SLC9A7: variants seen among roughly 807,000 people sequenced by gnomAD.
SLC9A7 encodes the protein sodium/hydrogen exchanger 7.
In SLC9A7, 19 loss-of-function variants were observed where a neutral mutation model predicts 52.6. That is an observed-to-expected ratio of 0.36 (90% CI 0.25 to 0.53). SLC9A7 has a LOEUF of 0.53. SLC9A7 is among the 20% of genes least tolerant of loss of function. The pLI, the probability that SLC9A7 is intolerant of heterozygous loss-of-function variation, is 0.91. For missense variants in SLC9A7, 455 were observed against 597.9 expected, an observed-to-expected ratio of 0.76 and a Z score of 2.49; for synonymous variants, 226 against 252.1, an observed-to-expected ratio of 0.90 and a Z score of 0.98.
chrX:46,698,307 G>A (rs1404904843), intron 1 of SLC9A7, among the ~76,000 whole-genome samples: 2 of 111,040 alleles, frequency 1.8e-5, no homozygotes, highest in African/African-American at 3.3e-5. Flanking sequence ...GGAACCTACC[G>A]ACACGTGATG....
intron 3 of SLC9A7, among the ~76,000 whole-genome samples, chrX:46,676,291 G>A (rs2146855298): frequency 9.0e-6 from 1 of 111,580 alleles, no homozygotes; most frequent in South Asian, 3.8e-4. Context: ...AACTGATCTG[G>A]AGGACACTCA....
chrX:46,672,779 T>A (rs1312086769), intron 3 of SLC9A7, 152 bp from the exon 4 acceptor site: 1 of 438,381 alleles, frequency 2.3e-6, no homozygotes, highest in Non-Finnish European at 3.9e-6. Flanking sequence ...TATGGTGTTA[T>A]TTAACCTTAG....
chrX:46,702,834 A>T (rs1193342663), intron 1 of SLC9A7, among the ~76,000 whole-genome samples: 1 of 112,412 alleles, frequency 8.9e-6, no homozygotes, highest in Non-Finnish European at 1.9e-5. Flanking sequence ...GGTAGTTCTA[A>T]GTTCCTTGAG....
At chrX:46,620,772 T>C (rs897686807) in intron 15 of SLC9A7, among the ~76,000 whole-genome samples, 1 of 112,358 alleles carries the variant, frequency 8.9e-6, no homozygotes, top group African/African-American at 3.2e-5. Context: ...ACTCTAAGGA[T>C]ATGCAAACAT....
At chrX:46,717,143 T>C (rs188518952) in intron 1 of SLC9A7, among the ~76,000 whole-genome samples, 15 of 112,447 alleles carry the variant, frequency 1.3e-4, no homozygotes, top group African/African-American at 4.8e-4. Flanking sequence ...TACATATTCC[T>C]GGAAAATACT....
In SLC9A7 at chrX:46,601,441, C is replaced by CTGTT. The variant is rs760889239; in HGVS notation, c.*5507_*5510dup. ...CAACAGACCTCTATTTTGGAAGGAA[C>CTGTT]TGTTAGTTCTTTGTCCTAGACCGAA... On this transcript the variant is annotated 3_prime_UTR_variant, in exon 17 of 17. Transcript: ENST00000616978. 8.9e-6 allele frequency: 1 copy of CTGTT among 112,755 alleles called. No homozygotes were observed. The highest frequency in any genetic ancestry group is 3.2e-5 in the African/African-American group (1 of 31,079). The allele number at this position is 112,755 out of a possible 1,213,427, so 9.3% of individuals were successfully genotyped here.
chrX:46,723,962 G>A (rs935191812), intron 1 of SLC9A7, among the ~76,000 whole-genome samples: 12 of 111,373 alleles, frequency 1.1e-4, no homozygotes, highest in African/African-American at 3.6e-4. Context: ...GCGTGATGGC[G>A]CACGCCTGTA....
intron 1 of SLC9A7, among the ~76,000 whole-genome samples, chrX:46,698,112 T>C (rs1944475045): frequency 8.9e-6 from 1 of 112,102 alleles, no homozygotes; most frequent in South Asian, 3.7e-4. Context: ...AAAACTTCAT[T>C]AGCAATTTTA....
At chrX:46,709,857 T>C (rs1183193045) in intron 1 of SLC9A7, among the ~76,000 whole-genome samples, 1 of 112,157 alleles carries the variant, frequency 8.9e-6, no homozygotes, top group African/African-American at 3.2e-5. Context: ...CACCTCAACA[T>C]CTAGGTGGGT....
At chrX:46,611,288 C>T (rs1418630044) in intron 16 of SLC9A7, among the ~76,000 whole-genome samples, 1 of 112,271 alleles carries the variant, frequency 8.9e-6, no homozygotes, top group Non-Finnish European at 1.9e-5. Flanking sequence ...AGGTAACTAG[C>T]ATTATTATTT....
Position 46,659,573 on chromosome X carries a change from CCAA to C in SLC9A7, c.1041+2440_1041+2442del, listed in dbSNP as rs763044412. ...CAAAAATCACAAGCATTCTTATACA[CCAA>C]CAACAGACAAACAGAGAGCCAAATC... is the stretch of plus-strand genomic sequence containing the variant. On this transcript the variant is annotated intron_variant, in intron 7 of 16. Transcript: ENST00000616978. 4.6e-3 allele frequency among the ~76,000 whole-genome samples: 187 copies of C among 41,025 alleles called. 2 individuals are homozygous for C. Among genetic ancestry groups the C allele is most frequent in the Non-Finnish European group, 5.7e-3 (145 of 25,467 alleles). 35.6% of individuals were successfully genotyped at this position (41,025 alleles called of 115,157 possible).
Position 46,600,688 on chromosome X carries a change from C to T in SLC9A7, c.*6264G>A, listed in dbSNP as rs1279987095. The T allele has an allele frequency of 8.9e-6, 1 of 112,322 alleles. No individual in the cohort carries two copies. Among genetic ancestry groups the T allele is most frequent in the African/African-American group, 3.2e-5 (1 of 30,932 alleles). The allele number at this position is 112,322 out of a possible 1,213,427, so 9.3% of individuals were successfully genotyped here. ...CTATGAAAATTGACACTGGAAAAAA[C>T]TGTTTATCTCTAGGTCTTGTTTTGA... On this transcript the variant is annotated 3_prime_UTR_variant, in exon 17 of 17. Transcript: ENST00000616978.
At chrX:46,657,765 T>G (rs1433457777) in intron 7 of SLC9A7, among the ~76,000 whole-genome samples, 1 of 110,773 alleles carries the variant, frequency 9.0e-6, no homozygotes, top group Non-Finnish European at 1.9e-5. Context: ...CTCCCACACA[T>G]TAATAATGGG....
rs111354260 is a variant in SLC9A7, at chrX:46,679,948, A to C, written c.526-193T>G. ...TGGACTGGCATGCTCTTCTCCCCAT[A>C]ACACTTTTGCTCTTATGATCTTGCT... On this transcript the variant is annotated intron_variant, in intron 2 of 16. Coordinates refer to ENST00000616978, the MANE Select transcript of SLC9A7 (RefSeq NM_001257291.2). Among the ~76,000 whole-genome samples, 799 of 112,271 alleles carry C rather than the reference A, an allele frequency of 7.1e-3. 6 individuals are homozygous for C. The highest frequency in any genetic ancestry group is 0.025 in the African/African-American group (770 of 30,922).
In SLC9A7 at chrX:46,758,817, G is replaced by A. The variant is rs782257942; in HGVS notation, c.213C>T (p.Ser71=). 4.9e-5 allele frequency: 59 copies of A among 1,205,704 alleles called. No individual in the cohort carries two copies. In the Middle Eastern group the frequency reaches 7.1e-4, roughly 15 times the overall value. ...GCAGGATGAAGGTGAGCAGGCTCAC[G>A]CTGTCTTGCCGGTGGCTCTCCTCCG... ...KEAEESHRQD[S]VSLLTFILLL... Residue 71 remains serine, a synonymous_variant, in exon 1 of 17, where the codon AGC becomes AGT. Coordinates refer to ENST00000616978, the MANE Select transcript of SLC9A7 (RefSeq NM_001257291.2).
intron 1 of SLC9A7, among the ~76,000 whole-genome samples, chrX:46,717,672 G>T (rs893718451): frequency 1.8e-5 from 2 of 111,610 alleles, no homozygotes; most frequent in Non-Finnish European, 3.8e-5. Context: ...GAGCCACCAT[G>T]CCTGGCCCCA....
intron 1 of SLC9A7, among the ~76,000 whole-genome samples, chrX:46,693,565 T>C (rs1944409511): frequency 9.1e-6 from 1 of 109,787 alleles, no homozygotes; most frequent in African/African-American, 3.3e-5. Flanking sequence ...GACCTCCTAC[T>C]ATATATAAAA....
chrX:46,636,518 G>C (rs1452795060), intron 12 of SLC9A7, among the ~76,000 whole-genome samples: 1 of 109,800 alleles, frequency 9.1e-6, no homozygotes, highest in Non-Finnish European at 1.9e-5. Context: ...TCCAGATACT[G>C]CCAAATAAAT....
At position 46,655,851 on chromosome X, in the gene SLC9A7, G is replaced by A. The variant is rs1183868999; in HGVS notation, c.1042-2137C>T. Among the ~76,000 whole-genome samples the A allele has an allele frequency of 6.2e-5, 7 of 112,742 alleles. No homozygotes were observed. The South Asian group carries it at 1.1e-3, about 18-fold the overall frequency. On this transcript the variant is annotated intron_variant, in intron 7 of 16. Transcript: ENST00000616978. ...GGTAAACAAAGCAGCCGGGAAGCTC[G>A]AACTGGGTGGAGCCCACCACAGCTC...
Sources: gnomAD v4.1 joint callset for allele counts (sites outside exome capture counted in the v4.1 genomes callset) on GRCh38, gnomAD v4.1.1 for gene constraint, MANE v1.5 for transcripts, NCBI Gene and HGNC (gene_info 2026-07-23, HGNC 2026-07-21) for gene names.